Variants in ARFGEF3 observed in about 807,000 individuals in gnomAD.
ARFGEF3 encodes the protein ARFGEF family member 3.
In ARFGEF3, 96 loss-of-function variants were observed where a neutral mutation model predicts 221.7. The observed-to-expected ratio is 0.43, with a 90% CI of 0.37 to 0.51. The LOEUF is 0.51. Among genes scored for constraint, ARFGEF3 ranks in the 20% least tolerant of loss-of-function variants. The probability of loss-of-function intolerance (pLI) is 0.00; values close to 1 mark genes in which losing one functional copy is unlikely to be tolerated. For synonymous variants in ARFGEF3, 1,145 were observed against 1,126.8 expected (o/e 1.02, Z -0.32); for missense variants, 2,410 against 2,789.9 (o/e 0.86, Z 3.07).
intron 32 of ARFGEF3, among the ~76,000 whole-genome samples, chr6:138,331,722 G>C (rs1222113907): frequency 6.6e-6 from 1 of 152,188 alleles, no homozygotes; most frequent in African/African-American, 2.4e-5. Flanking sequence ...ACTTCTTAAA[G>C]GTGTGCTCAG....
rs544232071 is a variant in ARFGEF3 at position 138,309,480 on chromosome 6, T to C, written c.4096+619T>C. On this transcript the variant is annotated intron_variant, in intron 24 of 33. Coordinates refer to ENST00000251691, the MANE Select transcript of ARFGEF3 (RefSeq NM_020340.5). The stretch of plus-strand genomic sequence containing the variant: ...CTGGGGTAGGAGGAATTCTTAACTT[T>C]TGCTAAAAAGTTGGGAAATCAAACT... 2.6e-5 allele frequency among the ~76,000 whole-genome samples: 4 copies of C among 152,354 alleles called. No homozygotes were observed. In the East Asian group the frequency reaches 7.7e-4, roughly 29 times the overall value.
intron 15 of ARFGEF3, 42 bp from the exon 16 acceptor site, chr6:138,286,659 T>C (rs1360978675): frequency 1.3e-6 from 2 of 1,572,666 alleles, no homozygotes; most frequent in African/African-American, 2.7e-5. Flanking sequence ...TGCCAGGTTG[T>C]TTTTGTCTCT....
chr6:138,344,137 T>G lies in ARFGEF3; in HGVS notation c.*7651T>G, dbSNP rs1780476707. 6.6e-6 allele frequency: 1 copy of G among 152,176 alleles called. No individual in the cohort carries two copies. Among genetic ancestry groups the G allele is most frequent in the Non-Finnish European group, 1.5e-5 (1 of 68,032 alleles). 9.4% of individuals were successfully genotyped at this position (152,176 alleles called of 1,614,324 possible). On this transcript the variant is annotated 3_prime_UTR_variant, in exon 34 of 34. Coordinates refer to ENST00000251691, the MANE Select transcript of ARFGEF3 (RefSeq NM_020340.5). ...TCCCACTCTAGATAAAGCCAGTGGG[T>G]GGTATGGGTCCTTTTATTCCTTATA...
chr6:138,163,821 A>G (rs1322630829), intron 1 of ARFGEF3, among the ~76,000 whole-genome samples: 1 of 152,198 alleles, frequency 6.6e-6, no homozygotes, highest in Non-Finnish European at 1.5e-5. Flanking sequence ...AAGTGCATGA[A>G]ATAGTTAAAT....
In ARFGEF3 at chr6:138,334,879, C is replaced by CA. The variant is rs1214979191; in HGVS notation, c.6037dup (p.Ile2013AsnfsTer162). ...AGGAGTGGTGGGAGAATGCGGGGAA[C>CA]AAAATCTACACCATGGCAGCCGACA... On this transcript the variant is annotated frameshift_variant, in exon 33 of 34. Transcript: ENST00000251691. LOFTEE classifies it high-confidence loss of function. The surrounding 1 kb of genome is among the most constrained non-coding windows in gnomAD (Gnocchi z 5.1). 1.3e-6 allele frequency: 2 copies of CA among 1,592,140 alleles called. No individual in the cohort carries two copies. The highest frequency in any genetic ancestry group is 1.7e-6 in the Non-Finnish European group (2 of 1,170,112).
Position 138,322,126 on chromosome 6 carries a change from G to A in ARFGEF3, c.4766+901G>A, listed in dbSNP as rs149753907. Among the ~76,000 whole-genome samples, 12 of 152,220 alleles carry A rather than the reference G, an allele frequency of 7.9e-5. No homozygotes were observed. The East Asian group carries it at 2.3e-3, about 29-fold the overall frequency. On this transcript the variant is annotated intron_variant, in intron 29 of 33. Coordinates refer to ENST00000251691, the MANE Select transcript of ARFGEF3 (RefSeq NM_020340.5). ...CAGATGGCCCTCCCTAATGTGGGTGGGCCTCGTCCAATCAGTTGAAGACCT... is the reference window on the plus strand; with the variant it reads ...CAGATGGCCCTCCCTAATGTGGGTGAGCCTCGTCCAATCAGTTGAAGACCT...
intron 2 of ARFGEF3, among the ~76,000 whole-genome samples, chr6:138,195,360 A>T (rs745394353): frequency 1.4e-4 from 22 of 152,196 alleles, no homozygotes; most frequent in Admixed American, 1.2e-3. Context: ...TTTAAAATGT[A>T]GAAACATGTA....
intron 10 of ARFGEF3, among the ~76,000 whole-genome samples, chr6:138,259,446 C>T (rs925574631): frequency 3.3e-5 from 5 of 152,118 alleles, no homozygotes; most frequent in Admixed American, 2.6e-4. Flanking sequence ...TCTCCTATGG[C>T]TCAGCTTTAG....
Position 138,341,317 on chromosome 6 carries a change from C to G in ARFGEF3, c.*4831C>G, listed in dbSNP as rs1262046330. Reference sequence around the variant, plus strand: ...AAATGTACATTCTCTGAAGAGGAAGCAGCTGGTTGGACAGGATTTCTTGAA... The same window carrying G: ...AAATGTACATTCTCTGAAGAGGAAGGAGCTGGTTGGACAGGATTTCTTGAA... On this transcript the variant is annotated 3_prime_UTR_variant, in exon 34 of 34. Coordinates refer to ENST00000251691, the MANE Select transcript of ARFGEF3 (RefSeq NM_020340.5). The G allele has an allele frequency of 1.3e-5, 2 of 154,804 alleles. No individual in the cohort carries two copies. Among genetic ancestry groups the G allele is most frequent in the Admixed American group, 6.5e-5 (1 of 15,278 alleles). 9.6% of individuals were successfully genotyped at this position (154,804 alleles called of 1,614,324 possible). A position where few individuals can be genotyped will look rare whatever the true frequency, so the allele number is the denominator to read the frequency against.
Position 138,263,456 on chromosome 6 carries a change from T to A in ARFGEF3, c.1973T>A (p.Leu658Gln), listed in dbSNP as rs1313733908. 6.2e-7 allele frequency: 1 copy of A among 1,613,988 alleles called. No homozygotes were observed. The highest frequency in any genetic ancestry group is 1.3e-5 in the African/African-American group (1 of 75,054). The change falls in exon 12 of 34, where the codon CTG becomes CAG. Residue 658 changes from leucine to glutamine, a missense_variant. This residue lies in a region of ARFGEF3 where 594 missense variants were observed against 734.3 expected (regional missense o/e 0.81). Coordinates refer to ENST00000251691, the MANE Select transcript of ARFGEF3 (RefSeq NM_020340.5). ...CACCGGTCCCTGCGAACTGCCGCCC[T>A]GTCTCTAAAACTGCTGAAGAACCAG... The part of the protein sequence containing the change: ...LGHRSLRTAA[L>Q]SLKLLKNQEA...
intron 2 of ARFGEF3, among the ~76,000 whole-genome samples, chr6:138,192,444 A>C (rs1777323147): frequency 6.6e-6 from 1 of 152,146 alleles, no homozygotes. Flanking sequence ...CCAAGATCGC[A>C]CCATTGCACT....
At chr6:138,185,821 G>T (rs1583000075) in intron 2 of ARFGEF3, among the ~76,000 whole-genome samples, 1 of 152,150 alleles carries the variant, frequency 6.6e-6, no homozygotes, top group East Asian at 1.9e-4. Context: ...ATGGCTGCTG[G>T]TGCTACATGA....
At position 138,242,956 on chromosome 6, in the gene ARFGEF3, T is replaced by C. The variant is rs1447434350; in HGVS notation, c.548T>C (p.Ile183Thr). Reference sequence around the variant, plus strand: ...TGTGTGTATCTCCCTTACTAGATAATTGAAAACCCAGATGTCCCACAGGAT... The same window carrying C: ...TGTGTGTATCTCCCTTACTAGATAACTGAAAACCCAGATGTCCCACAGGAT... The part of the protein sequence containing the change: ...QLRQRQENTI[I>T]ENPDVPQDFG... Residue 183 changes from isoleucine (I) to threonine (T), a missense_variant, in exon 7 of 34, where the codon ATT becomes ACT. Around this residue, in one of 5 missense-constraint regions of ARFGEF3, gnomAD observed 570 missense variants for 586.9 expected, o/e 0.97. Coordinates refer to ENST00000251691, the MANE Select transcript of ARFGEF3 (RefSeq NM_020340.5). The C allele has an allele frequency of 6.2e-7, 1 of 1,611,848 alleles. No homozygotes were observed. Among genetic ancestry groups the C allele is most frequent in the Non-Finnish European group, 8.5e-7 (1 of 1,178,308 alleles).
rs184404827 is a variant in ARFGEF3, at chr6:138,238,960, G to A, written c.543+329G>A. Among the ~76,000 whole-genome samples the A allele has an allele frequency of 2.3e-4, 35 of 152,268 alleles. No homozygotes were observed. The East Asian group carries it at 5.6e-3, about 24-fold the overall frequency. On this transcript the variant is annotated intron_variant, in intron 6 of 33. Transcript: ENST00000251691. ...ACTAACAAATATTGGAAGTAAATTTGAAATTAAGAAAAATGAATAGAATTT... is the reference window on the plus strand; with the variant it reads ...ACTAACAAATATTGGAAGTAAATTTAAAATTAAGAAAAATGAATAGAATTT...
chr6:138,210,810 A>G (rs9402957), intron 4 of ARFGEF3, among the ~76,000 whole-genome samples: 33,510 of 152,164 alleles, frequency 0.22, 5,976 homozygotes, highest in African/African-American at 0.48. Context: ...GTGTCATCCC[A>G]TGGTGGATTT....
chr6:138,287,069 T>C lies in ARFGEF3; in HGVS notation c.2786-5T>C. 6.4e-7 allele frequency: 1 copy of C among 1,566,690 alleles called. No individual in the cohort carries two copies. The highest frequency in any genetic ancestry group is 2.4e-5 in the East Asian group (1 of 42,074). Reference sequence around the variant, plus strand: ...TCAAGAAGTCATTGTGTGTCTCCTCTGAAGGCGTTGCTGCTAACTGCGCCT... The same window carrying C: ...TCAAGAAGTCATTGTGTGTCTCCTCCGAAGGCGTTGCTGCTAACTGCGCCT... On this transcript the variant is annotated splice_region_variant and splice_polypyrimidine_tract_variant and intron_variant, in intron 16 of 33. Coordinates refer to ENST00000251691, the MANE Select transcript of ARFGEF3 (RefSeq NM_020340.5).
At chr6:138,229,734 TCCATACTGTTAAC>T in intron 4 of ARFGEF3, 37 bp from the exon 5 acceptor site, 1 of 1,400,908 alleles carries the variant, frequency 7.1e-7, no homozygotes, top group Non-Finnish European at 1.0e-6. Context: ...ACAGTGAATT[TCCATACTGTTAAC>T]CCCTTGTCTC....
intron 14 of ARFGEF3, 40 bp from the exon 15 acceptor site, chr6:138,285,906 T>G (rs776157552): frequency 8.3e-7 from 1 of 1,200,476 alleles, no homozygotes; most frequent in Non-Finnish European, 1.2e-6. Context: ...TTGACTGGAG[T>G]GTTTTATTTA....
intron 12 of ARFGEF3, among the ~76,000 whole-genome samples, chr6:138,278,131 G>A (rs1002064702): frequency 6.6e-6 from 1 of 152,186 alleles, no homozygotes; most frequent in Non-Finnish European, 1.5e-5. Flanking sequence ...GCTCAAGCTA[G>A]GGATAGAATG....
Sources: gnomAD v4.1 joint callset for allele counts (sites outside exome capture counted in the v4.1 genomes callset) on GRCh38, gnomAD v4.1.1 for gene constraint, gnomAD v4.1.1 regional missense constraint, Gnocchi (gnomAD v3.1) non-coding constraint, MANE v1.5 for transcripts, NCBI Gene and HGNC (gene_info 2026-07-23, HGNC 2026-07-21) for gene names.